GRK6: variants seen among roughly 807,000 people sequenced by gnomAD.
GRK6 encodes the protein G protein-coupled receptor kinase 6.
In GRK6, 37 loss-of-function variants were observed where a neutral mutation model predicts 80.8. The observed-to-expected ratio is 0.46, with a 90% CI of 0.35 to 0.60. The LOEUF (loss-of-function observed/expected upper bound fraction) is 0.60. GRK6 is among the 20% of genes least tolerant of loss of function. The pLI is 0.00. For missense variants in GRK6, 560 were observed against 784.6 expected (o/e 0.71, Z 3.42); for synonymous variants, 295 against 320.9 (o/e 0.92, Z 0.86).
chr5:177,433,024 A>G, intron 5 of GRK6, 123 bp from the exon 6 acceptor site: 1 of 873,826 alleles, frequency 1.1e-6, no homozygotes, highest in Non-Finnish European at 1.9e-6. Context: ...GGTTAGCAGG[A>G]GGACTGGCCG....
At chr5:177,431,207 G>A (rs577839477) in intron 2 of GRK6, among the ~76,000 whole-genome samples, 2 of 152,352 alleles carry the variant, frequency 1.3e-5, no homozygotes, top group East Asian at 3.9e-4. Context: ...TAGGGCAGGG[G>A]CAGATTGGGG....
Position 177,428,451 on chromosome 5 carries a change from A to G in GRK6, c.52+1554A>G, listed in dbSNP as rs1763759436. ...CCCACCTGCATGGCTTTTTTTTGAG[A>G]CAGAGTCTCACTGTGTCACCCAGGC... On this transcript the variant is annotated intron_variant, in intron 1 of 15. Transcript: ENST00000355472. The surrounding 1 kb of genome is among the most constrained non-coding windows in gnomAD (Gnocchi z 4.1). Among the ~76,000 whole-genome samples the G allele has an allele frequency of 1.3e-5, 2 of 152,128 alleles. No homozygotes were observed. The highest frequency in any genetic ancestry group is 4.8e-5 in the African/African-American group (2 of 41,436).
intron 2 of GRK6, 80 bp from the exon 3 acceptor site, chr5:177,431,915 C>T: frequency 7.9e-7 from 1 of 1,259,090 alleles, no homozygotes; most frequent in South Asian, 1.2e-5. Flanking sequence ...TGTGGGGGCC[C>T]AGGGCCTGGT....
chr5:177,437,431 G>A (rs1764213840), intron 13 of GRK6, among the ~76,000 whole-genome samples: 1 of 152,204 alleles, frequency 6.6e-6, no homozygotes, highest in Non-Finnish European at 1.5e-5. Context: ...GCAATTGCCA[G>A]CAGTGGGAGG....
chr5:177,426,256 C>T (rs1474811557), upstream of GRK6, among the ~76,000 whole-genome samples: 1 of 152,236 alleles, frequency 6.6e-6, no homozygotes, highest in Admixed American at 6.5e-5. Context: ...CGTCTGCGAG[C>T]CAAAGGCCGC....
chr5:177,436,341 C>T (rs1764155179), intron 12 of GRK6, 52 bp from the exon 13 acceptor site: 3 of 1,600,198 alleles, frequency 1.9e-6, no homozygotes, highest in South Asian at 2.2e-5. Context: ...CTTTCCCTCC[C>T]TCCCACCCAC....
In GRK6 at chr5:177,430,869, C is replaced by T; in HGVS notation, c.53-3C>T. 1 of 1,613,878 alleles carries T rather than the reference C, an allele frequency of 6.2e-7. No homozygotes were observed. The highest frequency in any genetic ancestry group is 8.5e-7 in the Non-Finnish European group (1 of 1,179,844). ...GAGACCCAGTGTCCTATTGCTCCCA[C>T]AGGTGGCGGTGGAAATCGCAAAGGC... On this transcript the variant is annotated splice_polypyrimidine_tract_variant and splice_region_variant and intron_variant, in intron 1 of 15. Transcript: ENST00000355472.
upstream of GRK6, among the ~76,000 whole-genome samples, chr5:177,425,981 G>A (rs778052137): frequency 6.6e-6 from 1 of 152,258 alleles, no homozygotes; most frequent in Non-Finnish European, 1.5e-5. Context: ...CAGAGGCCGA[G>A]GGAAGGCGAG....
chr5:177,441,384 T>C, intron 15 of GRK6: 1 of 1,082,958 alleles, frequency 9.2e-7, no homozygotes, highest in East Asian at 2.6e-5. Context: ...ACTGCTTTGA[T>C]CCCCTGCACC....
In GRK6 at chr5:177,428,357, G is replaced by C. The variant is rs1763753736; in HGVS notation, c.52+1460G>C. ...TTGTCAGGCCATGGGCAAGGCACAG[G>C]GTGGTATGGCCAGACTGGGGACTGG... On this transcript the variant is annotated intron_variant, in intron 1 of 15. Transcript: ENST00000355472. This position sits in a 1 kb window ranked among gnomAD's most constrained non-coding sequence, Gnocchi z 4.1. Among the ~76,000 whole-genome samples the C allele has an allele frequency of 6.6e-6, 1 of 152,236 alleles. No homozygotes were observed. The highest frequency in any genetic ancestry group is 2.4e-5 in the African/African-American group (1 of 41,468).
rs1763737892 is a variant in GRK6 at position 177,428,003 on chromosome 5, G to A, written c.52+1106G>A. ...CGGCACAGTCTATAGGAAGCCCAGA[G>A]GAACTTTCAGCTGGGTGCTACACCT... On this transcript the variant is annotated intron_variant, in intron 1 of 15. Coordinates refer to ENST00000355472, the MANE Select transcript of GRK6 (RefSeq NM_001004106.3). The surrounding 1 kb of genome is among the most constrained non-coding windows in gnomAD (Gnocchi z 4.1). Among the ~76,000 whole-genome samples, 1 of 152,242 alleles carries A rather than the reference G, an allele frequency of 6.6e-6. No individual in the cohort carries two copies. The highest frequency in any genetic ancestry group is 1.5e-5 in the Non-Finnish European group (1 of 68,036).
chr5:177,425,890 C>G (rs912579124), upstream of GRK6, among the ~76,000 whole-genome samples: 1 of 152,244 alleles, frequency 6.6e-6, no homozygotes, highest in African/African-American at 2.4e-5. Flanking sequence ...ACTTGACGTC[C>G]GGCGCCTCAG....
intron 3 of GRK6, 29 bp downstream of exon 3, chr5:177,432,136 C>T (rs747915300): frequency 1.2e-5 from 19 of 1,608,126 alleles, no homozygotes; most frequent in South Asian, 6.6e-5. Context: ...TGCCCAGCCC[C>T]GCGGGTGGCC....
At chr5:177,436,645 G>A in intron 13 of GRK6, 115 bp downstream of exon 13, 1 of 991,642 alleles carries the variant, frequency 1.0e-6, no homozygotes, top group Non-Finnish European at 1.5e-6. Context: ...ACAATCTAGT[G>A]GCTTAGCCAC....
At chr5:177,440,898 C>G (rs778317067) in intron 14 of GRK6, 21 bp from the exon 15 acceptor site, 2 of 1,613,746 alleles carry the variant, frequency 1.2e-6, no homozygotes, top group Non-Finnish European at 1.7e-6. Flanking sequence ...ACAGCTGTCA[C>G]AGCCGCCTGC....
rs772058203 is a variant in GRK6, at chr5:177,440,794, A to G, written c.1499A>G (p.Gln500Arg). 6.2e-7 allele frequency: 1 copy of G among 1,614,180 alleles called. No homozygotes were observed. The highest frequency in any genetic ancestry group is 1.1e-5 in the South Asian group (1 of 91,090). The change falls in exon 14 of 16, where the codon CAG (glutamine) becomes CGG (arginine). Residue 500 changes from glutamine to arginine, a missense_variant. Around this residue, in one of 3 missense-constraint regions of GRK6, gnomAD observed 294 missense variants for 397.4 expected, o/e 0.74. Coordinates refer to ENST00000355472, the MANE Select transcript of GRK6 (RefSeq NM_001004106.3). ...GAGCCTACCGACCAGGACTTCTACC[A>G]GAAGTTTGCCACAGGCAGTGTGCCC... ...ELEPTDQDFY[Q>R]KFATGSVPIP...
At position 177,433,418 on chromosome 5, in the gene GRK6, G is replaced by T; in HGVS notation, c.597+8G>T. On this transcript the variant is annotated splice_region_variant and intron_variant, in intron 7 of 15. Transcript: ENST00000355472. ...AAAGGTGGCTTTGGGGAGGTGAGTG[G>T]CCAGGCCAGAGCCCCTGGGAGAGTG... is the stretch of plus-strand genomic sequence containing the variant. The T allele has an allele frequency of 6.2e-7, 1 of 1,613,186 alleles. No individual in the cohort carries two copies. Among genetic ancestry groups the T allele is most frequent in the African/African-American group, 1.3e-5 (1 of 75,032 alleles).
At position 177,441,786 on chromosome 5, in the gene GRK6, T is replaced by A; in HGVS notation, c.1727T>A (p.Leu576His). 1 of 1,612,642 alleles carries A rather than the reference T, an allele frequency of 6.2e-7. No homozygotes were observed. Among genetic ancestry groups the A allele is most frequent in the Non-Finnish European group, 8.5e-7 (1 of 1,179,262 alleles). Residue 576 changes from leucine to histidine, a missense_variant, in exon 16 of 16, where the codon CTC becomes CAC. By Grantham distance (99) the Leu-to-His change is moderately conservative (BLOSUM62 -3). Around this residue, in one of 3 missense-constraint regions of GRK6, gnomAD observed 294 missense variants for 397.4 expected, o/e 0.74. Coordinates refer to ENST00000355472, the MANE Select transcript of GRK6 (RefSeq NM_001004106.3). ...SDSEEELPTR[L>H] is the part of the protein sequence containing the mutation. Reference sequence around the variant, plus strand: ...AGCGAGGAAGAGCTCCCCACCCGCCTCTAGCCCCCAGCCCGAGGCCCCCAC... The same window carrying A: ...AGCGAGGAAGAGCTCCCCACCCGCCACTAGCCCCCAGCCCGAGGCCCCCAC...
At chr5:177,433,786 G>A in intron 8 of GRK6, 110 bp downstream of exon 8, 1 of 1,533,704 alleles carries the variant, frequency 6.5e-7, no homozygotes, top group East Asian at 2.3e-5. Context: ...GGCGGGTTTG[G>A]GGTGTTGACA....
Sources: gnomAD v4.1 joint callset for allele counts (sites outside exome capture counted in the v4.1 genomes callset) on GRCh38, gnomAD v4.1.1 for gene constraint, gnomAD v4.1.1 regional missense constraint, Gnocchi (gnomAD v3.1) non-coding constraint, MANE v1.5 for transcripts, NCBI Gene and HGNC (gene_info 2026-07-23, HGNC 2026-07-21) for gene names.